The following GABRR2 variants were observed in gnomAD, a reference collection of about 807,000 sequenced individuals.
GABRR2 encodes gamma-aminobutyric acid type A receptor subunit rho2.
In GABRR2, 36 loss-of-function variants were observed where a neutral mutation model predicts 47.0. The ratio of observed to expected loss-of-function variants is 0.77; its 90% CI spans 0.59 to 1.01. The LOEUF is 1.01. Among genes scored for constraint, GABRR2 ranks in the 50% least tolerant of loss-of-function variants. GABRR2 has a pLI of 0.00. For missense variants in GABRR2, 587 were observed against 594.6 expected (o/e 0.99, Z 0.13); for synonymous variants, 204 against 227.5 (o/e 0.90, Z 0.93).
At position 89,257,823 on chromosome 6, in the gene GABRR2, A is replaced by G. The variant is rs1487583982; in HGVS notation, c.1245T>C (p.Gly415=). 3 of 1,613,954 alleles carry G rather than the reference A, an allele frequency of 1.9e-6. No individual in the cohort carries two copies. Among genetic ancestry groups the G allele is most frequent in the Non-Finnish European group, 2.5e-6 (3 of 1,179,914 alleles). ...DKIVVHLGLS[G]EANAARKKGL... is the part of the protein sequence containing the mutation. ...CCTTCTTTCTGGCAGCGTTGGCTTC[A>G]CCACTCAGGCCCAGGTGGACCACTA... Residue 415 remains glycine (G), a synonymous_variant, in exon 9 of 9, where the codon GGT becomes GGC. Coordinates refer to ENST00000402938, the MANE Select transcript of GABRR2 (RefSeq NM_002043.5).
rs1013703026 is a variant in GABRR2 at position 89,255,658 on chromosome 6, T to C, written c.*2012A>G. On this transcript the variant is annotated 3_prime_UTR_variant, in exon 9 of 9. Transcript: ENST00000402938. ...GAAAAAGCTAGTCGCTCACCTCCTC[T>C]TATCACAGCCTAGGATCCTGCCAAA... Among the ~76,000 whole-genome samples, 1 of 152,074 alleles carries C rather than the reference T, an allele frequency of 6.6e-6. No homozygotes were observed. The highest frequency in any genetic ancestry group is 1.5e-5 in the Non-Finnish European group (1 of 68,020).
In GABRR2 at chr6:89,267,741, A is replaced by G; in HGVS notation, c.674T>C (p.Leu225Ser). 3 of 1,613,962 alleles carry G rather than the reference A, an allele frequency of 1.9e-6. No homozygotes were observed. The highest frequency in any genetic ancestry group is 1.7e-6 in the Non-Finnish European group (2 of 1,179,834). Residue 225 changes from leucine (L) to serine (S), a missense_variant, in exon 6 of 9, where the codon TTG (leucine) becomes TCG (serine). Coordinates refer to ENST00000402938, the MANE Select transcript of GABRR2 (RefSeq NM_002043.5). ...AAATTTCTGAATCAGAAACTGAGAC[A>G]AGGAGATCTTCTCATCTGTTTTTAG... ...ESLKTDEKIS[L>S]SQFLIQKFHT...
At chr6:89,277,974 T>C (rs1439978003) in intron 2 of GABRR2, among the ~76,000 whole-genome samples, 1 of 152,032 alleles carries the variant, frequency 6.6e-6, no homozygotes, top group Non-Finnish European at 1.5e-5. Context: ...CTTCGAGAAA[T>C]GTATGTGAAT....
At chr6:89,304,267 A>C (rs1767512883) in intron 1 of GABRR2, among the ~76,000 whole-genome samples, 1 of 152,198 alleles carries the variant, frequency 6.6e-6, no homozygotes, top group Non-Finnish European at 1.5e-5. Flanking sequence ...AACAAACCCC[A>C]TTAAAAAGTA....
chr6:89,269,334 G>C (rs1773989786), intron 3 of GABRR2, 100 bp from the exon 4 acceptor site: 3 of 885,176 alleles, frequency 3.4e-6, no homozygotes, highest in Non-Finnish European at 5.5e-6. Flanking sequence ...CTCAGGCTCA[G>C]CATCCAGATT....
rs201848127 is a variant in GABRR2, at chr6:89,265,613, C to A, written c.889G>T (p.Gly297Cys). 50 of 1,611,552 alleles carry A rather than the reference C, an allele frequency of 3.1e-5. No individual in the cohort carries two copies. The highest frequency in any genetic ancestry group is 4.0e-5 in the Non-Finnish European group (47 of 1,178,986). ...RRAVPARVSL[G>C]ITTVLTMTTI... ...ACCACACCTTATGAAATGCTTTTAC[C>A]CAGTGAAACTCTGGCAGGCACAGCT... is the stretch of plus-strand genomic sequence containing the variant. Residue 297 changes from glycine (G) to cysteine (C), a missense_variant and splice_region_variant, in exon 7 of 9, where the codon GGT (glycine) becomes TGT (cysteine). By Grantham distance (159) the Gly-to-Cys change is radical. Transcript: ENST00000402938.
intron 2 of GABRR2, among the ~76,000 whole-genome samples, chr6:89,289,054 G>T (rs1025922375): frequency 1.3e-5 from 2 of 152,224 alleles, no homozygotes; most frequent in African/African-American, 4.8e-5. Flanking sequence ...CAAAACAGCC[G>T]AGAGATGCTT....
chr6:89,273,126 T>C (rs546406684), intron 2 of GABRR2, among the ~76,000 whole-genome samples: 2 of 152,212 alleles, frequency 1.3e-5, no homozygotes, highest in Non-Finnish European at 2.9e-5. Context: ...TGCTTTAATT[T>C]TTCCCTCTCA....
intron 1 of GABRR2, among the ~76,000 whole-genome samples, chr6:89,310,934 T>C (rs891315488): frequency 2.0e-5 from 3 of 152,240 alleles, no homozygotes; most frequent in Non-Finnish European, 4.4e-5. Context: ...AAGCCTATTA[T>C]AGCTTCACAG....
chr6:89,264,346 G>C, intron 8 of GABRR2, 66 bp downstream of exon 8: 1 of 1,524,516 alleles, frequency 6.6e-7, no homozygotes, highest in Non-Finnish European at 8.8e-7. Flanking sequence ...CTGCCCCCTG[G>C]CCCAGAAGAC....
At chr6:89,282,906 CTT>C (rs2127840631) in intron 2 of GABRR2, among the ~76,000 whole-genome samples, 1 of 152,358 alleles carries the variant, frequency 6.6e-6, no homozygotes, top group African/African-American at 2.4e-5. Context: ...GTGTTCTTGA[CTT>C]CGGGCAGACA....
Position 89,292,763 on chromosome 6 carries a change from G to GT in GABRR2, c.220+6995_220+6996insA, listed in dbSNP as rs1774479251. Among the ~76,000 whole-genome samples, 10 of 37,290 alleles carry GT rather than the reference G, an allele frequency of 2.7e-4. 1 individual carries two copies. The highest frequency in any genetic ancestry group is 1.4e-3 in the African/African-American group (9 of 6,572). The allele number at this position is 37,290 out of a possible 152,430, so 24.5% of individuals were successfully genotyped here. A position where few individuals can be genotyped will look rare whatever the true frequency, so the allele number is the denominator to read the frequency against. On this transcript the variant is annotated intron_variant, in intron 2 of 8. Transcript: ENST00000402938. ...ATATAATCGTATATATCGTATATAC[G>GT]ATATATCGTATATATCGTATATACG...
At chr6:89,275,030 G>A (rs992890555) in intron 2 of GABRR2, among the ~76,000 whole-genome samples, 1 of 152,034 alleles carries the variant, frequency 6.6e-6, no homozygotes, top group African/African-American at 2.4e-5. Flanking sequence ...GCTCTTCTTG[G>A]TTCCTAACTT....
intron 3 of GABRR2, among the ~76,000 whole-genome samples, chr6:89,270,083 A>G (rs1449175062): frequency 6.6e-6 from 1 of 152,214 alleles, no homozygotes; most frequent in Non-Finnish European, 1.5e-5. Flanking sequence ...CATGCATGAG[A>G]GTCTGTCCCT....
intron 2 of GABRR2, among the ~76,000 whole-genome samples, chr6:89,273,774 AT>A (rs1774105886): frequency 6.6e-6 from 1 of 152,300 alleles, no homozygotes; most frequent in African/African-American, 2.4e-5. Context: ...GGGACCCTTC[AT>A]TAGTCTGAGG....
intron 1 of GABRR2, among the ~76,000 whole-genome samples, chr6:89,305,659 C>T (rs188777267): frequency 2.6e-5 from 4 of 152,044 alleles, no homozygotes; most frequent in Non-Finnish European, 5.9e-5. Flanking sequence ...GAGATTATGT[C>T]CTTTAGCTGG....
chr6:89,296,037 C>A (rs1178281731), intron 2 of GABRR2, among the ~76,000 whole-genome samples: 1 of 152,168 alleles, frequency 6.6e-6, no homozygotes, highest in African/African-American at 2.4e-5. Context: ...GGCCCAGGCT[C>A]TACTTCTAAC....
At chr6:89,298,071 G>A (rs989702710) in intron 2 of GABRR2, among the ~76,000 whole-genome samples, 1 of 152,280 alleles carries the variant, frequency 6.6e-6, no homozygotes, top group East Asian at 1.9e-4. Flanking sequence ...GCTTGCCCAT[G>A]ACGAATCCCC....
intron 1 of GABRR2, chr6:89,301,890 C>A (rs1312630613): frequency 1.8e-6 from 2 of 1,138,974 alleles, no homozygotes; most frequent in Non-Finnish European, 2.7e-6. Flanking sequence ...GCGGCAACTA[C>A]GTGGGGAACT....
Sources: allele counts gnomAD v4.1 joint callset (sites outside exome capture counted in the v4.1 genomes callset), GRCh38; gene constraint gnomAD v4.1.1; transcripts MANE v1.5; gene names NCBI Gene and HGNC (gene_info 2026-07-23, HGNC 2026-07-21).